The following VPS13A variants were observed in gnomAD, a reference collection of about 807,000 sequenced individuals.
VPS13A encodes vacuolar protein sorting 13 homolog A.
VPS13A carries 264 observed loss-of-function variants against 390.9 expected under a neutral mutation model. That is an observed-to-expected ratio of 0.68 (90% CI 0.61 to 0.75). The LOEUF is 0.75. VPS13A is among the 30% of genes least tolerant of loss of function. VPS13A has a pLI of 0.00. For synonymous variants in VPS13A, 1,231 were observed against 1,227.1 expected (o/e 1.00, Z -0.07); for missense variants, 3,409 against 3,733.9 (o/e 0.91, Z 2.27).
chr9:77,366,898 A>G, intron 61 of VPS13A, 26 bp downstream of exon 61: 1 of 1,606,188 alleles, frequency 6.2e-7, no homozygotes, highest in Non-Finnish European at 8.5e-7. Context: ...AAATCTGTAA[A>G]TTGATGGAAA....
intron 22 of VPS13A, among the ~76,000 whole-genome samples, chr9:77,254,527 T>G (rs924609645): frequency 2.0e-5 from 3 of 152,236 alleles, no homozygotes; most frequent in African/African-American, 4.8e-5. Flanking sequence ...TCCTTTGGTA[T>G]TCCATATGAA....
In VPS13A at chr9:77,248,369, C is replaced by T. The variant is rs1456331939; in HGVS notation, c.2037+974C>T. The stretch of plus-strand genomic sequence containing the variant: ...TAGCTGGGACTCCAGGCCCCCGCCA[C>T]CACGCCCGGCTAATTTTTTTTGTGA... On this transcript the variant is annotated intron_variant, in intron 20 of 71. Transcript: ENST00000360280. Among the ~76,000 whole-genome samples the T allele has an allele frequency of 3.3e-5, 5 of 151,768 alleles. No individual in the cohort carries two copies. In the East Asian group the frequency reaches 9.8e-4, roughly 30 times the overall value.
intron 22 of VPS13A, among the ~76,000 whole-genome samples, chr9:77,253,525 T>C (rs1458598775): frequency 6.6e-6 from 1 of 152,156 alleles, no homozygotes; most frequent in Non-Finnish European, 1.5e-5. Flanking sequence ...CAGGGTGGGC[T>C]TGATCTCCTG....
At chr9:77,413,692 A>T (rs971084881) in intron 71 of VPS13A, among the ~76,000 whole-genome samples, 2 of 152,244 alleles carry the variant, frequency 1.3e-5, no homozygotes, top group African/African-American at 2.4e-5. Context: ...CAAGGACTTC[A>T]TGTCTAAAAC....
At chr9:77,386,201 C>A (rs1482906801) in intron 68 of VPS13A, among the ~76,000 whole-genome samples, 1 of 152,124 alleles carries the variant, frequency 6.6e-6, no homozygotes, top group Non-Finnish European at 1.5e-5. Context: ...TGCACCCACT[C>A]CTCTCTCACC....
chr9:77,280,639 T>A (rs1481263616), intron 27 of VPS13A, among the ~76,000 whole-genome samples: 3 of 152,194 alleles, frequency 2.0e-5, no homozygotes, highest in Non-Finnish European at 4.4e-5. Context: ...CCTTTTTTAT[T>A]GATTTATGAT....
chr9:77,221,946 T>C (rs1409663427), intron 13 of VPS13A, among the ~76,000 whole-genome samples: 1 of 152,156 alleles, frequency 6.6e-6, no homozygotes, highest in Non-Finnish European at 1.5e-5. Context: ...CTCTAGTCTC[T>C]ACCAGTAGTT....
Position 77,314,621 on chromosome 9 carries a change from A to G in VPS13A, c.4369A>G (p.Ile1457Val). 1 of 1,612,458 alleles carries G rather than the reference A, an allele frequency of 6.2e-7. No homozygotes were observed. Among genetic ancestry groups the G allele is most frequent in the Non-Finnish European group, 8.5e-7 (1 of 1,179,060 alleles). ...TTCTTCCTTCTCATTAAAAAACTGTATTTTAGATGATAAAAGACCTCATGT... is the reference window on the plus strand; with the variant it reads ...TTCTTCCTTCTCATTAAAAAACTGTGTTTTAGATGATAAAAGACCTCATGT... ...TFSSFSLKNC[I>V]LDDKRPHVKK... Residue 1457 changes from isoleucine (I) to valine (V), a missense_variant, in exon 37 of 72, where the codon ATT (isoleucine) becomes GTT (valine). This residue lies in a region of VPS13A where 2,717 missense variants were observed against 2,917.4 expected (regional missense o/e 0.93). Coordinates refer to ENST00000360280, the MANE Select transcript of VPS13A (RefSeq NM_033305.3).
intron 20 of VPS13A, among the ~76,000 whole-genome samples, chr9:77,247,939 G>T (rs949845993): frequency 6.6e-6 from 1 of 152,158 alleles, no homozygotes; most frequent in Admixed American, 6.5e-5. Context: ...GATTACTGGC[G>T]TGAGCCACCG....
chr9:77,218,435 T>C (rs1378135125), intron 10 of VPS13A, among the ~76,000 whole-genome samples: 3 of 152,048 alleles, frequency 2.0e-5, no homozygotes, highest in African/African-American at 7.2e-5. Context: ...TTTAATGGAG[T>C]TGAGTTTTTT....
intron 68 of VPS13A, among the ~76,000 whole-genome samples, chr9:77,387,403 A>C (rs986776432): frequency 6.6e-6 from 1 of 152,194 alleles, no homozygotes; most frequent in Non-Finnish European, 1.5e-5. Flanking sequence ...CTTTAACTTC[A>C]TTTATGTTCC....
chr9:77,415,626 C>T (rs1219386224), intron 71 of VPS13A, among the ~76,000 whole-genome samples: 2 of 152,186 alleles, frequency 1.3e-5, no homozygotes, highest in Non-Finnish European at 2.9e-5. Flanking sequence ...AATCCTGTAT[C>T]TGGATTTATG....
intron 1 of VPS13A, among the ~76,000 whole-genome samples, chr9:77,188,083 G>A (rs927582018): frequency 6.6e-6 from 1 of 152,160 alleles, no homozygotes; most frequent in Non-Finnish European, 1.5e-5. Context: ...CTGGTTAAGT[G>A]TGTGGCACCT....
chr9:77,336,482 T>G (rs1587610206), intron 46 of VPS13A, among the ~76,000 whole-genome samples: 1 of 152,218 alleles, frequency 6.6e-6, no homozygotes, highest in Non-Finnish European at 1.5e-5. Context: ...TTGAAAACTT[T>G]CATTTGATTA....
At chr9:77,253,471 A>C (rs577457235) in intron 22 of VPS13A, among the ~76,000 whole-genome samples, 102 of 151,992 alleles carry the variant, frequency 6.7e-4, no homozygotes, top group Non-Finnish European at 1.1e-3. Context: ...ACGCCCAGCT[A>C]ATTTTTTGGG....
intron 71 of VPS13A, among the ~76,000 whole-genome samples, chr9:77,411,293 G>A (rs1437038344): frequency 6.6e-6 from 1 of 152,126 alleles, no homozygotes; most frequent in African/African-American, 2.4e-5. Context: ...AAAGCAGTGT[G>A]TAGAGGGAAA....
At chr9:77,282,825 G>C (rs1255396434) in intron 29 of VPS13A, among the ~76,000 whole-genome samples, 1 of 152,040 alleles carries the variant, frequency 6.6e-6, no homozygotes, top group African/African-American at 2.4e-5. Flanking sequence ...GTGTTTGTCT[G>C]TAGACCCAGT....
At chr9:77,324,428 T>C (rs1467498915) in intron 45 of VPS13A, among the ~76,000 whole-genome samples, 1 of 152,204 alleles carries the variant, frequency 6.6e-6, no homozygotes, top group Non-Finnish European at 1.5e-5. Flanking sequence ...TCCCTTCTAT[T>C]CCTAGTGTGC....
intron 1 of VPS13A, among the ~76,000 whole-genome samples, chr9:77,192,242 A>G (rs1374414108): frequency 1.3e-5 from 2 of 152,110 alleles, no homozygotes; most frequent in African/African-American, 4.8e-5. Flanking sequence ...GGCATTGCAT[A>G]TGAAATGGGT....
Sources: allele counts gnomAD v4.1 joint callset (sites outside exome capture counted in the v4.1 genomes callset), GRCh38; gene constraint gnomAD v4.1.1; regional missense constraint gnomAD v4.1.1; transcripts MANE v1.5; gene names NCBI Gene and HGNC (gene_info 2026-07-23, HGNC 2026-07-21).